Variants in BTBD16 observed in about 807,000 individuals in gnomAD.
The protein encoded by BTBD16 is BTB domain containing 16.
BTBD16 carries 66 observed loss-of-function variants against 67.4 expected under a neutral mutation model. The observed-to-expected ratio is 0.98, with a 90% CI of 0.80 to 1.20. The LOEUF is 1.20. Among genes scored for constraint, BTBD16 ranks in the 50% most tolerant of loss-of-function variants. The pLI, the probability that BTBD16 is intolerant of heterozygous loss-of-function variation, is 0.00. For synonymous variants in BTBD16, 242 were observed against 236.4 expected (o/e 1.02, Z -0.22); for missense variants, 634 against 616.0 (o/e 1.03, Z -0.31).
intron 10 of BTBD16, among the ~76,000 whole-genome samples, chr10:122,317,670 AAAC>A (rs1244012840): frequency 6.6e-6 from 1 of 151,526 alleles, no homozygotes; most frequent in Non-Finnish European, 1.5e-5. Flanking sequence ...AAAACAAAAA[AAAC>A]AAAAAAACAA....
intron 10 of BTBD16, among the ~76,000 whole-genome samples, chr10:122,322,316 G>A (rs1319337039): frequency 6.6e-6 from 1 of 151,974 alleles, no homozygotes; most frequent in African/African-American, 2.4e-5. Context: ...AGAGCTATAC[G>A]TTTCCTTTAA....
chr10:122,319,932 AATTTAT>A (rs1167037303), intron 10 of BTBD16, among the ~76,000 whole-genome samples: 1 of 152,158 alleles, frequency 6.6e-6, no homozygotes, highest in Non-Finnish European at 1.5e-5. Context: ...GTGTTTAGAA[AATTTAT>A]CTCTAAGGCT....
At chr10:122,279,639 A>G (rs2096348338) in intron 3 of BTBD16, among the ~76,000 whole-genome samples, 1 of 152,058 alleles carries the variant, frequency 6.6e-6, no homozygotes, top group South Asian at 2.1e-4. Context: ...TGAAGGGCTT[A>G]TTCCTGGTAA....
chr10:122,336,561 C>T lies in BTBD16; in HGVS notation c.1331C>T (p.Ala444Val), dbSNP rs143717019. 2.3e-4 allele frequency: 377 copies of T among 1,612,750 alleles called. 1 individual carries two copies. The African/African-American group carries it at 4.5e-3, about 19-fold the overall frequency. The change falls in exon 15 of 16, where the codon GCG (alanine) becomes GTG (valine). Residue 444 changes from alanine (A) to valine (V), a missense_variant. Physicochemically the swap from Ala to Val is moderately conservative, Grantham distance 64. Coordinates refer to ENST00000260723, the MANE Select transcript of BTBD16 (RefSeq NM_144587.5). The part of the protein sequence containing the change: ...VYEHNHVSLR[A>V]ARLVKYEIRA... ...GAGCACAACCACGTCAGCCTGCGAG[C>T]GGCACGCCTGGTGAAGTATGAGATC...
At chr10:122,312,584 G>A (rs112151318) in intron 10 of BTBD16, among the ~76,000 whole-genome samples, 2,078 of 152,170 alleles carry the variant, frequency 0.014, 39 homozygotes, top group African/African-American at 0.045. Flanking sequence ...AAAGTGCTGG[G>A]ATTATAGGTG....
intron 7 of BTBD16, chr10:122,291,458 T>G (rs2096373909): frequency 5.3e-6 from 2 of 376,590 alleles, no homozygotes; most frequent in Non-Finnish European, 9.5e-6. Context: ...TTTCTACCAC[T>G]GGGAGAGACT....
At chr10:122,319,152 A>G (rs536152539) in intron 10 of BTBD16, among the ~76,000 whole-genome samples, 32 of 152,338 alleles carry the variant, frequency 2.1e-4, no homozygotes, top group Non-Finnish European at 3.2e-4. Flanking sequence ...CATATTTCGT[A>G]GATACTTTCT....
chr10:122,279,483 AAAAAT>A, intron 3 of BTBD16, among the ~76,000 whole-genome samples: 1 of 139,434 alleles, frequency 7.2e-6, no homozygotes, highest in South Asian at 2.4e-4. Flanking sequence ...ATTTGTCTCT[AAAAAT>A]AAAAAAGAGA....
chr10:122,276,669 CAAA>C (rs2096341166), intron 2 of BTBD16, 119 bp from the exon 3 acceptor site: 6 of 1,337,794 alleles, frequency 4.5e-6, no homozygotes, highest in African/African-American at 1.5e-5. Flanking sequence ...TAGCCATGTT[CAAA>C]AATTAACCAG....
intron 8 of BTBD16, 73 bp downstream of exon 8, chr10:122,297,910 AC>A (rs2096386603): frequency 2.9e-6 from 4 of 1,376,580 alleles, no homozygotes; most frequent in South Asian, 2.4e-5. Context: ...CTGGGATTTT[AC>A]CCACCAGGCC....
intron 6 of BTBD16, 50 bp downstream of exon 6, chr10:122,290,048 C>A: frequency 1.6e-6 from 2 of 1,266,988 alleles, no homozygotes; most frequent in South Asian, 1.3e-5. Flanking sequence ...ACAAATGGTC[C>A]TCCCAGATTT....
chr10:122,287,016 G>A (rs535279944), intron 5 of BTBD16, among the ~76,000 whole-genome samples: 2 of 152,186 alleles, frequency 1.3e-5, no homozygotes, highest in Non-Finnish European at 2.9e-5. Flanking sequence ...GCAAAGCCCT[G>A]TTATTCTAGA....
At chr10:122,311,712 C>CCACAAAGTGAG (rs1218124495) in intron 10 of BTBD16, among the ~76,000 whole-genome samples, 2 of 152,194 alleles carry the variant, frequency 1.3e-5, no homozygotes, top group Non-Finnish European at 2.9e-5. Context: ...CAATGAATTT[C>CCACAAAGTGAG]CACAAAGTGA....
intron 10 of BTBD16, among the ~76,000 whole-genome samples, chr10:122,319,739 G>T (rs1190736476): frequency 6.6e-6 from 1 of 151,962 alleles, no homozygotes; most frequent in Non-Finnish European, 1.5e-5. Context: ...AAATCAGCTT[G>T]ACAGTTTTTG....
At chr10:122,327,659 G>T (rs1324839733) in intron 10 of BTBD16, 11 of 984,664 alleles carry the variant, frequency 1.1e-5, no homozygotes, top group Non-Finnish European at 1.3e-5. Flanking sequence ...CTTCCCAGAG[G>T]CCCCAAGGGG....
At chr10:122,300,999 G>A (rs2096392768) in intron 9 of BTBD16, among the ~76,000 whole-genome samples, 1 of 152,180 alleles carries the variant, frequency 6.6e-6, no homozygotes, top group Non-Finnish European at 1.5e-5. Flanking sequence ...AGAGTTCTGG[G>A]ACAGAGGGAA....
chr10:122,297,335 AG>A (rs1480970999), intron 7 of BTBD16, among the ~76,000 whole-genome samples: 2 of 152,156 alleles, frequency 1.3e-5, no homozygotes, highest in Non-Finnish European at 2.9e-5. Context: ...TTCATCTGAG[AG>A]CTGCTCTTTG....
intron 13 of BTBD16, among the ~76,000 whole-genome samples, chr10:122,334,425 G>C (rs1450504194): frequency 6.9e-6 from 1 of 144,790 alleles, no homozygotes; most frequent in Non-Finnish European, 1.5e-5. Flanking sequence ...TTGATCTTCT[G>C]ACCTCGTGAT....
chr10:122,310,353 G>A (rs2096411598), intron 10 of BTBD16, among the ~76,000 whole-genome samples: 1 of 152,168 alleles, frequency 6.6e-6, no homozygotes, highest in Non-Finnish European at 1.5e-5. Flanking sequence ...ATCCCCTGCC[G>A]AGGATCCCCA....
Sources: gnomAD v4.1 joint callset for allele counts (sites outside exome capture counted in the v4.1 genomes callset) on GRCh38, gnomAD v4.1.1 for gene constraint, MANE v1.5 for transcripts, NCBI Gene and HGNC (gene_info 2026-07-23, HGNC 2026-07-21) for gene names.